Variants in DGKB observed in about 807,000 individuals in gnomAD.
DGKB encodes 90 kDa diacylglycerol kinase.
In DGKB, 67 loss-of-function variants were observed where a neutral mutation model predicts 114.3. The observed-to-expected ratio is 0.59, with a 90% CI of 0.48 to 0.72. The LOEUF (loss-of-function observed/expected upper bound fraction) is 0.72. Ranked by LOEUF, DGKB falls within the 30% of genes least tolerant of loss-of-function variation. DGKB has a pLI of 0.00. For missense variants in DGKB, 907 were observed against 975.2 expected, an observed-to-expected ratio of 0.93 and a Z score of 0.93; for synonymous variants, 398 against 323.1, an observed-to-expected ratio of 1.23 and a Z score of -2.49.
At chr7:14,845,844 A>G (rs1848556312) in intron 1 of DGKB, among the ~76,000 whole-genome samples, 1 of 151,790 alleles carries the variant, frequency 6.6e-6, no homozygotes, top group Non-Finnish European at 1.5e-5. Context: ...AAAAAAAAGA[A>G]GTGCACTTTC....
intron 25 of DGKB, among the ~76,000 whole-genome samples, chr7:14,166,526 C>G (rs2128230250): frequency 6.6e-6 from 1 of 152,212 alleles, no homozygotes; most frequent in African/African-American, 2.4e-5. Flanking sequence ...TCAAAATAGT[C>G]ATAAACAAGA....
chr7:14,413,275 G>C (rs1017694630), intron 21 of DGKB, among the ~76,000 whole-genome samples: 3 of 152,126 alleles, frequency 2.0e-5, no homozygotes, highest in African/African-American at 4.8e-5. Flanking sequence ...TGAGTGAGAA[G>C]CAGCTGATGA....
chr7:14,464,600 A>G (rs1202465537), intron 21 of DGKB, among the ~76,000 whole-genome samples: 1 of 152,244 alleles, frequency 6.6e-6, no homozygotes, highest in East Asian at 1.9e-4. Context: ...TTAAAAGCAT[A>G]TAAATGTAGA....
At chr7:14,839,547 GC>G (rs1333145328) in intron 2 of DGKB, among the ~76,000 whole-genome samples, 1 of 151,320 alleles carries the variant, frequency 6.6e-6, no homozygotes, top group Non-Finnish European at 1.5e-5. Context: ...GACTACATGT[GC>G]ATGCCAGCCT....
intron 22 of DGKB, among the ~76,000 whole-genome samples, chr7:14,343,200 A>ACAC (rs1562972962): frequency 0.036 from 1,985 of 54,628 alleles, 53 homozygotes; most frequent in African/African-American, 0.09. Flanking sequence ...CACACACACA[A>ACAC]CAAGATATGC....
intron 2 of DGKB, among the ~76,000 whole-genome samples, chr7:14,761,197 T>G (rs1040021490): frequency 3.3e-5 from 5 of 152,174 alleles, no homozygotes; most frequent in African/African-American, 1.2e-4. Flanking sequence ...CTCAATAACA[T>G]TTCTTGGGCC....
intron 23 of DGKB, among the ~76,000 whole-genome samples, chr7:14,239,275 A>G (rs944812104): frequency 2.7e-5 from 4 of 148,106 alleles, no homozygotes; most frequent in Admixed American, 6.8e-5. Flanking sequence ...TTACAGCTCT[A>G]AGAACATTAT....
At chr7:14,194,483 A>T (rs961473181) in intron 23 of DGKB, among the ~76,000 whole-genome samples, 1 of 152,126 alleles carries the variant, frequency 6.6e-6, no homozygotes, top group African/African-American at 2.4e-5. Flanking sequence ...TCATTTTTAG[A>T]TGTGGAATAG....
chr7:14,288,313 T>C (rs1177353355), intron 23 of DGKB, among the ~76,000 whole-genome samples: 3 of 131,004 alleles, frequency 2.3e-5, no homozygotes, highest in Non-Finnish European at 4.7e-5. Flanking sequence ...TTTACTGATA[T>C]AGCTCTATAC....
At chr7:14,250,570 T>C (rs1316593329) in intron 23 of DGKB, among the ~76,000 whole-genome samples, 2 of 152,174 alleles carry the variant, frequency 1.3e-5, no homozygotes, top group Admixed American at 1.3e-4. Context: ...CTAACATATA[T>C]ATTCTGGAGA....
At chr7:14,971,089 T>C (rs1045820589) in intron 1 of DGKB, among the ~76,000 whole-genome samples, 2 of 152,118 alleles carry the variant, frequency 1.3e-5, no homozygotes, top group Admixed American at 6.6e-5. Context: ...TAAGTCAGAG[T>C]TCTCTTCCTG....
chr7:14,698,264 A>T (rs1001639527), intron 7 of DGKB, 95 bp from the exon 8 acceptor site: 82 of 717,058 alleles, frequency 1.1e-4, no homozygotes, highest in Non-Finnish European at 1.8e-4. Flanking sequence ...ATGTGTAGCT[A>T]AAAAAGTTAA....
At chr7:14,730,115 T>C (rs546122640) in intron 5 of DGKB, among the ~76,000 whole-genome samples, 2 of 152,342 alleles carry the variant, frequency 1.3e-5, no homozygotes, top group African/African-American at 2.4e-5. Flanking sequence ...AGTATGAGTG[T>C]TTAAATGAGT....
In DGKB at chr7:14,402,317, A is replaced by G. The variant is rs6958962; in HGVS notation, c.1836-56926T>C. ...ATTTCAAATTCACAGAATAATTCTA[A>G]TTTAATGATAAAGATGATACTCCTA... On this transcript the variant is annotated intron_variant, in intron 21 of 25. Transcript: ENST00000402815. 5.1e-3 allele frequency among the ~76,000 whole-genome samples: 769 copies of G among 151,970 alleles called. 8 individuals carry two copies. Among genetic ancestry groups the G allele is most frequent in the African/African-American group, 0.017 (722 of 41,496 alleles).
rs188021931 is a variant in DGKB, at chr7:14,689,305, G to C, written c.712-3943C>G. On this transcript the variant is annotated intron_variant, in intron 9 of 25. Coordinates refer to ENST00000402815, the MANE Select transcript of DGKB (RefSeq NM_001350709.2). ...ACTGCAAGCTCCGCCTCCCGGGTTC[G>C]TGCCATTCTCCTGCCTTCACCCACT... Among the ~76,000 whole-genome samples the C allele has an allele frequency of 3.0e-3, 441 of 145,044 alleles. 2 individuals carry two copies. Among genetic ancestry groups the C allele is most frequent in the African/African-American group, 0.01 (403 of 39,268 alleles).
chr7:14,911,933 G>A (rs1450631750), intron 1 of DGKB, among the ~76,000 whole-genome samples: 1 of 152,140 alleles, frequency 6.6e-6, no homozygotes, highest in Non-Finnish European at 1.5e-5. Flanking sequence ...CCAGAAAAAA[G>A]GAAAGTCTGG....
intron 21 of DGKB, among the ~76,000 whole-genome samples, chr7:14,397,534 A>G (rs546291955): frequency 1.3e-5 from 2 of 152,182 alleles, no homozygotes; most frequent in Admixed American, 6.6e-5. Context: ...GTGTCCTTCT[A>G]GTCAAAAAGT....
intron 2 of DGKB, among the ~76,000 whole-genome samples, chr7:14,766,087 T>A (rs1836409463): frequency 6.6e-6 from 1 of 151,970 alleles, no homozygotes; most frequent in African/African-American, 2.4e-5. Flanking sequence ...TAAAGACAAA[T>A]CTGGAGATAA....
At chr7:14,306,241 C>T (rs1486733799) in intron 23 of DGKB, among the ~76,000 whole-genome samples, 1 of 151,814 alleles carries the variant, frequency 6.6e-6, no homozygotes, top group African/African-American at 2.4e-5. Flanking sequence ...AATAAAGCAA[C>T]ATTTTAGAAG....
Sources: allele counts gnomAD v4.1 joint callset (sites outside exome capture counted in the v4.1 genomes callset), GRCh38; gene constraint gnomAD v4.1.1; transcripts MANE v1.5; gene names NCBI Gene and HGNC (gene_info 2026-07-23, HGNC 2026-07-21).